Variants in PIK3C3 observed in about 807,000 individuals in gnomAD.
PIK3C3 encodes PI3-kinase type 3.
PIK3C3 carries 95 observed loss-of-function variants against 126.1 expected under a neutral mutation model. The ratio of observed to expected loss-of-function variants is 0.75; its 90% CI spans 0.64 to 0.89. The LOEUF (loss-of-function observed/expected upper bound fraction) is 0.89. PIK3C3 is among the 40% of genes least tolerant of loss of function. The probability of loss-of-function intolerance (pLI) is 0.00; values close to 1 mark genes in which losing one functional copy is unlikely to be tolerated. For synonymous variants in PIK3C3, 374 were observed against 360.0 expected (o/e 1.04, Z -0.44); for missense variants, 829 against 1,063.2 (o/e 0.78, Z 3.06).
intron 16 of PIK3C3, among the ~76,000 whole-genome samples, chr18:42,036,613 C>T (rs1204087111): frequency 6.6e-5 from 10 of 151,658 alleles, no homozygotes; most frequent in Admixed American, 6.6e-4. Flanking sequence ...TTCCCCCTTT[C>T]TAAAAAGAAT....
chr18:41,976,022 C>G (rs1196551204), intron 4 of PIK3C3, among the ~76,000 whole-genome samples: 5 of 152,206 alleles, frequency 3.3e-5, no homozygotes, highest in Admixed American at 6.5e-5. Flanking sequence ...TTTATAGTAT[C>G]CTTTTAATTT....
Position 42,038,839 on chromosome 18 carries a change from G to A in PIK3C3, c.2027G>A (p.Ser676Asn). 1 of 1,588,426 alleles carries A rather than the reference G, an allele frequency of 6.3e-7. No homozygotes were observed. The highest frequency in any genetic ancestry group is 8.6e-7 in the Non-Finnish European group (1 of 1,158,670). ...ACACCTTATAAGGTGTTAGCCACCA[G>A]TACAAAACATGGTAAGTGTATTTTA... ...KLTPYKVLAT[S>N]TKHGFMQFIQ... Residue 676 changes from serine to asparagine, a missense_variant, in exon 18 of 25, where the codon AGT (serine) becomes AAT (asparagine). Coordinates refer to ENST00000262039, the MANE Select transcript of PIK3C3 (RefSeq NM_002647.4).
chr18:42,034,337 C>T (rs898771369), intron 16 of PIK3C3, among the ~76,000 whole-genome samples: 2 of 152,040 alleles, frequency 1.3e-5, no homozygotes, highest in South Asian at 2.1e-4. Context: ...TACAGGCATG[C>T]GCCACCATAC....
At position 42,049,624 on chromosome 18, in the gene PIK3C3, C is replaced by T. The variant is rs758411493; in HGVS notation, c.2263+19C>T. ...AAAACAGGTAACAATTAATGACTACCAGTAGACATACATTGTATATGCCCA... is the reference window on the plus strand; with the variant it reads ...AAAACAGGTAACAATTAATGACTACTAGTAGACATACATTGTATATGCCCA... On this transcript the variant is annotated intron_variant, in intron 21 of 24. Transcript: ENST00000262039. 1.9e-6 allele frequency: 3 copies of T among 1,543,486 alleles called. No homozygotes were observed. Among genetic ancestry groups the T allele is most frequent in the Non-Finnish European group, 2.7e-6 (3 of 1,115,758 alleles).
At chr18:41,996,088 G>T in intron 8 of PIK3C3, 94 bp downstream of exon 8, 1 of 783,174 alleles carries the variant, frequency 1.3e-6, no homozygotes, top group Non-Finnish European at 2.2e-6. Context: ...TTATTTAGAT[G>T]CACATTTTCT....
At chr18:42,010,107 A>C (rs1305324615) in intron 10 of PIK3C3, among the ~76,000 whole-genome samples, 1 of 152,140 alleles carries the variant, frequency 6.6e-6, no homozygotes, top group Admixed American at 6.5e-5. Context: ...CCTCTCAAAT[A>C]CTGTCACTGC....
chr18:41,978,933 A>G (rs1054086604), intron 4 of PIK3C3, among the ~76,000 whole-genome samples: 7 of 152,016 alleles, frequency 4.6e-5, no homozygotes, highest in Non-Finnish European at 7.4e-5. Flanking sequence ...CATGTAGAAG[A>G]GTTACTAGCT....
At chr18:41,991,632 T>C in intron 6 of PIK3C3, among the ~76,000 whole-genome samples, 1 of 152,318 alleles carries the variant, frequency 6.6e-6, no homozygotes, top group Middle Eastern at 3.4e-3. Flanking sequence ...TGTATACTTT[T>C]ATAAATTACT....
At chr18:42,039,152 G>A (rs950465393) in intron 18 of PIK3C3, among the ~76,000 whole-genome samples, 1 of 152,046 alleles carries the variant, frequency 6.6e-6, no homozygotes, top group Admixed American at 6.6e-5. Context: ...AACCATTTAA[G>A]TCTTTTCGAG....
chr18:41,961,741 G>T (rs1049531804), intron 2 of PIK3C3, among the ~76,000 whole-genome samples: 5 of 152,032 alleles, frequency 3.3e-5, no homozygotes, highest in African/African-American at 1.2e-4. Flanking sequence ...TCTTGAAGAG[G>T]GTTGAAATTA....
chr18:42,045,917 C>G (rs1984538447), intron 20 of PIK3C3, among the ~76,000 whole-genome samples: 2 of 152,154 alleles, frequency 1.3e-5, no homozygotes, highest in Admixed American at 1.3e-4. Flanking sequence ...TACATACACA[C>G]ACGCTTGCCC....
intron 3 of PIK3C3, among the ~76,000 whole-genome samples, chr18:41,968,235 G>A (rs1307467184): frequency 6.6e-6 from 1 of 152,202 alleles, no homozygotes; most frequent in African/African-American, 2.4e-5. Context: ...AAGGTAGAGA[G>A]AAGGAAGGGA....
At chr18:42,027,371 A>G in intron 13 of PIK3C3, 72 bp from the exon 14 acceptor site, 1 of 750,936 alleles carries the variant, frequency 1.3e-6, no homozygotes, top group Admixed American at 2.4e-5. Flanking sequence ...TTTTAGTGAA[A>G]TGATATGAGT....
intron 13 of PIK3C3, among the ~76,000 whole-genome samples, chr18:42,021,334 A>C (rs985917976): frequency 2.6e-5 from 4 of 152,200 alleles, no homozygotes; most frequent in Non-Finnish European, 5.9e-5. Flanking sequence ...GGAGTGGCTG[A>C]CTTCTTGAGG....
chr18:42,007,178 T>C (rs1390138002), intron 10 of PIK3C3, among the ~76,000 whole-genome samples: 1 of 152,180 alleles, frequency 6.6e-6, no homozygotes, highest in African/African-American at 2.4e-5. Context: ...TTAAAAATCA[T>C]ATTCTTGAAT....
At chr18:42,035,913 A>C (rs1298339585) in intron 16 of PIK3C3, among the ~76,000 whole-genome samples, 2 of 152,060 alleles carry the variant, frequency 1.3e-5, no homozygotes, top group Non-Finnish European at 2.9e-5. Context: ...TGAAGACTGG[A>C]CCCCTTAAGG....
chr18:41,969,516 T>C (rs1980546514), intron 3 of PIK3C3, among the ~76,000 whole-genome samples: 1 of 152,192 alleles, frequency 6.6e-6, no homozygotes. Flanking sequence ...ATTGTTTCAC[T>C]TTGAAGCAGG....
intron 21 of PIK3C3, among the ~76,000 whole-genome samples, chr18:42,054,279 T>G (rs1984961979): frequency 6.7e-6 from 1 of 148,686 alleles, no homozygotes; most frequent in African/African-American, 2.5e-5. Flanking sequence ...AGAGCCAGTC[T>G]GAGTTCCAAA....
Position 42,015,563 on chromosome 18 carries a change from G to A in PIK3C3, c.1413G>A (p.Leu471=). The stretch of plus-strand genomic sequence containing the variant: ...AAGAAGTTCCAGATGGCGAAAATCT[G>A]GAAGTGAGTACAAAGCTTTTCCAGC... ...KTKEVPDGEN[L]EQDLCTFLIS... is the part of the protein sequence containing the mutation. The change falls in exon 12 of 25, where the codon CTG becomes CTA. Residue 471 remains leucine, a synonymous_variant. Transcript: ENST00000262039. The A allele has an allele frequency of 6.2e-7, 1 of 1,611,138 alleles. No individual in the cohort carries two copies. The highest frequency in any genetic ancestry group is 8.5e-7 in the Non-Finnish European group (1 of 1,177,510).
Sources: gnomAD v4.1 joint callset for allele counts (sites outside exome capture counted in the v4.1 genomes callset) on GRCh38, gnomAD v4.1.1 for gene constraint, MANE v1.5 for transcripts, NCBI Gene and HGNC (gene_info 2026-07-23, HGNC 2026-07-21) for gene names.